The following GRM8 variants were observed in gnomAD, a reference collection of about 807,000 sequenced individuals.
The protein encoded by GRM8 is glutamate metabotropic receptor 8, also known as metabotropic glutamate receptor 8.
In GRM8, 47 loss-of-function variants were observed where a neutral mutation model predicts 87.2. The ratio of observed to expected loss-of-function variants is 0.54; its 90% confidence interval spans 0.43 to 0.69. The LOEUF is 0.69. Ranked by LOEUF, GRM8 falls within the 30% of genes least tolerant of loss-of-function variation. The probability of loss-of-function intolerance (pLI) is 0.00; values close to 1 mark genes in which losing one functional copy is unlikely to be tolerated. For missense variants in GRM8, 1,019 were observed against 1,139.2 expected (o/e 0.89, Z 1.52); for synonymous variants, 396 against 404.5 (o/e 0.98, Z 0.25).
At chr7:126,833,810 G>T (rs570999777) in intron 6 of GRM8, among the ~76,000 whole-genome samples, 2 of 152,164 alleles carry the variant, frequency 1.3e-5, no homozygotes, top group African/African-American at 2.4e-5. Context: ...CCTTTAGGGT[G>T]CCTAAGAACC....
chr7:127,087,284 C>T (rs922991728), intron 3 of GRM8, among the ~76,000 whole-genome samples: 6 of 152,170 alleles, frequency 3.9e-5, no homozygotes, highest in African/African-American at 1.4e-4. Context: ...TTTTATTACA[C>T]AGGACTGGAC....
intron 9 of GRM8, among the ~76,000 whole-genome samples, chr7:126,484,101 A>C (rs955899734): frequency 6.6e-6 from 1 of 152,100 alleles, no homozygotes; most frequent in South Asian, 2.1e-4. Flanking sequence ...CGTAAATGTC[A>C]CAGTTCAAGT....
intron 2 of GRM8, among the ~76,000 whole-genome samples, chr7:127,235,586 T>C (rs772204920): frequency 6.6e-6 from 1 of 152,214 alleles, no homozygotes; most frequent in Non-Finnish European, 1.5e-5. Flanking sequence ...ATCAGAGATT[T>C]GTAAAATAAA....
chr7:126,824,863 CAT>C (rs1794617845), intron 6 of GRM8, among the ~76,000 whole-genome samples: 1 of 152,178 alleles, frequency 6.6e-6, no homozygotes, highest in South Asian at 2.1e-4. Context: ...CTCCCTAACT[CAT>C]ATGTGGTAAA....
intron 8 of GRM8, among the ~76,000 whole-genome samples, chr7:126,563,512 C>T (rs1451044661): frequency 5.3e-5 from 8 of 152,162 alleles, no homozygotes; most frequent in Non-Finnish European, 1.5e-5. Flanking sequence ...TGAAGGCCAA[C>T]CAAGACATGC....
intron 2 of GRM8, among the ~76,000 whole-genome samples, chr7:127,208,423 C>A (rs1290178456): frequency 6.6e-6 from 1 of 152,152 alleles, no homozygotes; most frequent in Non-Finnish European, 1.5e-5. Context: ...CACTTCCCAG[C>A]CTTCAAAAAT....
chr7:127,120,032 G>A (rs1826940463), intron 2 of GRM8, among the ~76,000 whole-genome samples: 1 of 152,148 alleles, frequency 6.6e-6, no homozygotes, highest in Non-Finnish European at 1.5e-5. Flanking sequence ...AAAATGACAT[G>A]CCCAAAACTT....
chr7:126,862,846 C>T (rs1203073039), intron 6 of GRM8, among the ~76,000 whole-genome samples: 6 of 151,818 alleles, frequency 4.0e-5, no homozygotes, highest in Admixed American at 3.9e-4. Flanking sequence ...TTAATGTGTG[C>T]TTTTTAAATT....
At chr7:126,547,617 GA>G (rs1404812237) in intron 8 of GRM8, among the ~76,000 whole-genome samples, 1 of 151,552 alleles carries the variant, frequency 6.6e-6, no homozygotes, top group Non-Finnish European at 1.5e-5. Context: ...AAGACATACA[GA>G]AATAAATGAA....
chr7:126,497,551 G>T (rs1366061950), intron 9 of GRM8, among the ~76,000 whole-genome samples: 1 of 151,892 alleles, frequency 6.6e-6, no homozygotes, highest in Non-Finnish European at 1.5e-5. Flanking sequence ...GTCCCAGTTG[G>T]AACTGCCCTG....
At chr7:126,759,330 C>T (rs1184809967) in intron 7 of GRM8, among the ~76,000 whole-genome samples, 1 of 152,084 alleles carries the variant, frequency 6.6e-6, no homozygotes, top group Non-Finnish European at 1.5e-5. Context: ...CAAAATACTG[C>T]TACTGCTAAG....
At chr7:127,132,780 A>C (rs112409100) in intron 2 of GRM8, among the ~76,000 whole-genome samples, 1 of 152,158 alleles carries the variant, frequency 6.6e-6, no homozygotes, top group African/African-American at 2.4e-5. Flanking sequence ...GGGTCTGGGC[A>C]CTCTAGGACA....
At chr7:126,564,699 GAA>G (rs1162003715) in intron 8 of GRM8, among the ~76,000 whole-genome samples, 1 of 152,074 alleles carries the variant, frequency 6.6e-6, no homozygotes, top group Non-Finnish European at 1.5e-5. Flanking sequence ...CAAAAAAACT[GAA>G]GAGGAGAGAA....
chr7:127,144,144 AC>A (rs1828426433), intron 2 of GRM8, among the ~76,000 whole-genome samples: 1 of 152,140 alleles, frequency 6.6e-6, no homozygotes, highest in African/African-American at 2.4e-5. Context: ...TATACTTGGA[AC>A]AGTGTGGGCA....
At chr7:127,072,482 C>G (rs1259946000) in intron 3 of GRM8, among the ~76,000 whole-genome samples, 3 of 152,102 alleles carry the variant, frequency 2.0e-5, no homozygotes, top group African/African-American at 7.2e-5. Context: ...TTTTCCCAAC[C>G]ACTCCAGATT....
chr7:127,176,553 C>A (rs1224774250), intron 2 of GRM8, among the ~76,000 whole-genome samples: 2 of 152,154 alleles, frequency 1.3e-5, no homozygotes, highest in Admixed American at 6.5e-5. Flanking sequence ...AGCTCCAGAA[C>A]GACTGCAATT....
chr7:126,674,050 C>G (rs1429176517), intron 7 of GRM8, among the ~76,000 whole-genome samples: 2 of 152,124 alleles, frequency 1.3e-5, no homozygotes, highest in East Asian at 1.9e-4. Flanking sequence ...TCATTTCTAC[C>G]TAACTCAAAC....
intron 7 of GRM8, among the ~76,000 whole-genome samples, chr7:126,716,488 T>C (rs1811757627): frequency 6.6e-6 from 1 of 152,180 alleles, no homozygotes; most frequent in African/African-American, 2.4e-5. Flanking sequence ...CATCTGCCTA[T>C]GTCATTCTCC....
chr7:127,099,135 G>T (rs150045301), intron 3 of GRM8, among the ~76,000 whole-genome samples: 100 of 152,260 alleles, frequency 6.6e-4, no homozygotes, highest in African/African-American at 2.1e-3. Flanking sequence ...GAGCCACCAG[G>T]CCCAGAGCTT....
Sources: allele counts gnomAD v4.1 joint callset (sites outside exome capture counted in the v4.1 genomes callset), GRCh38; gene constraint gnomAD v4.1.1; transcripts MANE v1.5; gene names NCBI Gene and HGNC (gene_info 2026-07-23, HGNC 2026-07-21).